Variants in PTP4A1 observed in about 807,000 individuals in gnomAD.
PTP4A1 encodes protein tyrosine phosphatase 4A1.
A neutral mutation model predicts 20.5 loss-of-function variants in PTP4A1; 9 were observed. The ratio of observed to expected loss-of-function variants is 0.44; its 90% CI spans 0.26 to 0.77. PTP4A1 has a LOEUF of 0.77. Ranked by LOEUF, PTP4A1 falls within the 30% of genes least tolerant of loss-of-function variation. The probability of loss-of-function intolerance (pLI) is 0.19; values close to 1 mark genes in which losing one functional copy is unlikely to be tolerated. For synonymous variants in PTP4A1, 78 were observed against 67.4 expected (o/e 1.16, Z -0.77); for missense variants, 137 against 218.8 (o/e 0.63, Z 2.36).
chr6:63,534,140 G>T (rs796890931), intron 2 of PTP4A1, among the ~76,000 whole-genome samples: 40 of 152,130 alleles, frequency 2.6e-4, no homozygotes, highest in African/African-American at 9.6e-4. Flanking sequence ...ACAGTGCCCA[G>T]CCGAACAAAC....
intron 3 of PTP4A1, 29 bp from the exon 4 acceptor site, chr6:63,578,869 T>C (rs1319927137): frequency 1.3e-6 from 2 of 1,485,072 alleles, no homozygotes; most frequent in Admixed American, 4.8e-5. Context: ...ATTAATGATC[T>C]AAAATGTTTA....
At chr6:63,536,737 A>G (rs1400198664) in intron 2 of PTP4A1, among the ~76,000 whole-genome samples, 3 of 152,214 alleles carry the variant, frequency 2.0e-5, no homozygotes, top group Non-Finnish European at 4.4e-5. Context: ...TATCACTACA[A>G]GAAAAAGCAG....
chr6:63,543,746 G>A (rs1776074121), intron 2 of PTP4A1, among the ~76,000 whole-genome samples: 1 of 152,104 alleles, frequency 6.6e-6, no homozygotes, highest in Non-Finnish European at 1.5e-5. Flanking sequence ...TGCCTCCTAA[G>A]TCAAGTGAAA....
At chr6:63,555,127 G>C (rs1016632685) in intron 3 of PTP4A1, among the ~76,000 whole-genome samples, 1 of 152,000 alleles carries the variant, frequency 6.6e-6, no homozygotes, top group Non-Finnish European at 1.5e-5. Flanking sequence ...GTTCATTTCT[G>C]GTAATATAAG....
At chr6:63,557,690 TCA>T (rs1776749433) in intron 3 of PTP4A1, among the ~76,000 whole-genome samples, 2 of 152,062 alleles carry the variant, frequency 1.3e-5, no homozygotes, top group Admixed American at 1.3e-4. Flanking sequence ...ATGTTAGAAA[TCA>T]CAGTTGGTTT....
chr6:63,548,372 C>T (rs1214915133), intron 2 of PTP4A1, among the ~76,000 whole-genome samples: 2 of 152,252 alleles, frequency 1.3e-5, no homozygotes, highest in East Asian at 1.9e-4. Flanking sequence ...TGAATTTATA[C>T]GTAGAACAGG....
At chr6:63,534,351 A>G (rs1775607974) in intron 2 of PTP4A1, among the ~76,000 whole-genome samples, 2 of 152,066 alleles carry the variant, frequency 1.3e-5, no homozygotes. Flanking sequence ...GTTAGGAGCA[A>G]TGGTTCTCTG....
upstream of PTP4A1, among the ~76,000 whole-genome samples, chr6:63,519,899 C>T (rs139655376): frequency 3.3e-3 from 498 of 152,324 alleles, 2 homozygotes; most frequent in African/African-American, 0.011. Context: ...TACCACCATA[C>T]TTTATTTTGA....
intron 3 of PTP4A1, among the ~76,000 whole-genome samples, chr6:63,564,915 C>G (rs1270175214): frequency 6.6e-6 from 1 of 152,254 alleles, no homozygotes; most frequent in Non-Finnish European, 1.5e-5. Context: ...TGGATAGATT[C>G]ATAATAAGTC....
At chr6:63,541,102 A>C (rs1424145027) in intron 2 of PTP4A1, among the ~76,000 whole-genome samples, 3 of 152,160 alleles carry the variant, frequency 2.0e-5, no homozygotes, top group Non-Finnish European at 4.4e-5. Flanking sequence ...GTGTGCCCTA[A>C]ACTAAGGAGT....
intron 2 of PTP4A1, 130 bp from the exon 3 acceptor site, chr6:63,578,307 A>C: frequency 1.7e-6 from 2 of 1,150,642 alleles, no homozygotes; most frequent in Non-Finnish European, 2.3e-6. Context: ...ACATAAATGG[A>C]TTCTAGCATT....
intron 1 of PTP4A1, among the ~76,000 whole-genome samples, chr6:63,526,453 C>T (rs1303024647): frequency 1.3e-5 from 2 of 151,790 alleles, no homozygotes; most frequent in Non-Finnish European, 2.9e-5. Context: ...AGAGCCAATC[C>T]AGTTCAACAG....
intron 2 of PTP4A1, among the ~76,000 whole-genome samples, chr6:63,532,366 A>T (rs1246631404): frequency 6.6e-6 from 1 of 152,036 alleles, no homozygotes; most frequent in African/African-American, 2.4e-5. Flanking sequence ...CTGGATTCAT[A>T]CCTCTCAAAT....
intron 2 of PTP4A1, among the ~76,000 whole-genome samples, chr6:63,533,444 C>T (rs1166466244): frequency 6.6e-6 from 1 of 152,052 alleles, no homozygotes; most frequent in African/African-American, 2.4e-5. Context: ...TTGTATTACA[C>T]AGAATAATTA....
intron 2 of PTP4A1, among the ~76,000 whole-genome samples, chr6:63,544,899 C>G (rs1274432979): frequency 6.6e-6 from 1 of 152,110 alleles, no homozygotes; most frequent in Admixed American, 6.6e-5. Context: ...CTACTTTTCC[C>G]TTTACAATTA....
rs1778053453 is a variant in PTP4A1, at chr6:63,579,098, T to C, written c.329+70T>C. On this transcript the variant is annotated intron_variant, in intron 4 of 5. Transcript: ENST00000626021. The stretch of plus-strand genomic sequence containing the variant: ...AATGAAAATACAGAAACTTGAAAAA[T>C]TCTTATAATTTTTTAATATAAAGTC... 3.5e-6 allele frequency: 5 copies of C among 1,431,828 alleles called. 1 individual carries two copies. The highest frequency in any genetic ancestry group is 1.6e-5 in the South Asian group (1 of 63,814). 88.7% of individuals were successfully genotyped at this position (1,431,828 alleles called of 1,614,324 possible).
upstream of PTP4A1, among the ~76,000 whole-genome samples, chr6:63,517,616 A>G (rs1430567951): frequency 6.6e-6 from 1 of 152,082 alleles, no homozygotes; most frequent in Non-Finnish European, 1.5e-5. Flanking sequence ...GACCTTCACT[A>G]TCTATCAACA....
intron 2 of PTP4A1, among the ~76,000 whole-genome samples, chr6:63,546,292 A>G (rs1297317191): frequency 6.6e-6 from 1 of 152,258 alleles, no homozygotes; most frequent in Non-Finnish European, 1.5e-5. Flanking sequence ...GCACAGAAAG[A>G]CACATACTCT....
intron 3 of PTP4A1, among the ~76,000 whole-genome samples, chr6:63,567,370 C>T (rs1561911371): frequency 1.3e-5 from 2 of 152,188 alleles, no homozygotes; most frequent in Non-Finnish European, 2.9e-5. Flanking sequence ...AGAATGGATG[C>T]TGTGTTAGAA....
Sources: gnomAD v4.1 joint callset for allele counts (sites outside exome capture counted in the v4.1 genomes callset) on GRCh38, gnomAD v4.1.1 for gene constraint, MANE v1.5 for transcripts, NCBI Gene and HGNC (gene_info 2026-07-23, HGNC 2026-07-21) for gene names.